TNIP2: variants seen among roughly 807,000 people sequenced by gnomAD.
TNIP2 encodes the protein TNFAIP3 interacting protein 2.
Under a neutral mutation model 43.7 loss-of-function variants are expected in TNIP2, and 30 were observed. The ratio of observed to expected loss-of-function variants is 0.69; its 90% confidence interval spans 0.51 to 0.93. The LOEUF is 0.93. Ranked by LOEUF, TNIP2 falls within the 40% of genes least tolerant of loss-of-function variation. TNIP2 has a pLI of 0.00. For missense variants in TNIP2, 599 were observed against 591.0 expected, an observed-to-expected ratio of 1.01 and a Z score of -0.14; for synonymous variants, 260 against 254.6, an observed-to-expected ratio of 1.02 and a Z score of -0.20.
At position 2,742,251 on chromosome 4, in the gene TNIP2, T is replaced by G; in HGVS notation, c.*6A>C. ...AGGAGGCCGCAAGGGCACGGGTGAG[T>G]CTCGGTCACTGGCAGCACTCAGCCA... On this transcript the variant is annotated 3_prime_UTR_variant, in exon 6 of 6. Coordinates refer to ENST00000315423, the MANE Select transcript of TNIP2 (RefSeq NM_024309.4). The G allele has an allele frequency of 6.8e-7, 1 of 1,470,880 alleles. No homozygotes were observed. Among genetic ancestry groups the G allele is most frequent in the Non-Finnish European group, 9.0e-7 (1 of 1,106,262 alleles). 91.1% of individuals were successfully genotyped at this position (1,470,880 alleles called of 1,614,324 possible). A position where few individuals can be genotyped will look rare whatever the true frequency, so the allele number is the denominator to read the frequency against.
At position 2,744,863 on chromosome 4, in the gene TNIP2, C is replaced by A; in HGVS notation, c.740G>T (p.Gly247Val). ...CTCGGGCTCGTGGGGGATCTGCAGC[C>A]CCCTGAGCTGCGCATGGAGCCCCCT... Reference protein sequence around the residue: ...YVRGLHAQLRGLQIPHEPELM... With the variant: ...YVRGLHAQLRVLQIPHEPELM... Residue 247 changes from glycine (G) to valine (V), a missense_variant, in exon 4 of 6, where the codon GGG (glycine) becomes GTG (valine). Physicochemically the swap from Gly to Val is moderately radical, Grantham distance 109. Coordinates refer to ENST00000315423, the MANE Select transcript of TNIP2 (RefSeq NM_024309.4). The surrounding 1 kb of genome is among the most constrained non-coding windows in gnomAD (Gnocchi z 5.1). The A allele has an allele frequency of 1.2e-6, 2 of 1,614,006 alleles. No homozygotes were observed. The highest frequency in any genetic ancestry group is 2.7e-5 in the African/African-American group (2 of 75,064).
intron 1 of TNIP2, among the ~76,000 whole-genome samples, chr4:2,748,388 G>A (rs1210090030): frequency 6.6e-6 from 1 of 151,994 alleles, no homozygotes; most frequent in Non-Finnish European, 1.5e-5. Context: ...TGTCGCTCAG[G>A]CTCGAGTGCA....
At position 2,744,688 on chromosome 4, in the gene TNIP2, G is replaced by T; in HGVS notation, c.906+9C>A. ...GGTCAGTGCCGTCCGGAGCCCGAGG[G>T]ACAGACACCTGCTGTTCCAGCATCT... On this transcript the variant is annotated intron_variant, in intron 4 of 5. Transcript: ENST00000315423. This position sits in a 1 kb window ranked among gnomAD's most constrained non-coding sequence, Gnocchi z 5.1. 1 of 1,598,916 alleles carries T rather than the reference G, an allele frequency of 6.3e-7. No homozygotes were observed. The highest frequency in any genetic ancestry group is 1.1e-5 in the South Asian group (1 of 90,794).
chr4:2,749,301 A>AG (rs1199661157), intron 1 of TNIP2, among the ~76,000 whole-genome samples: 1 of 152,346 alleles, frequency 6.6e-6, no homozygotes, highest in East Asian at 1.9e-4. Context: ...GGCAATTCCA[A>AG]GCACTTTTTT....
chr4:2,745,357 G>A lies in TNIP2; in HGVS notation c.657+89C>T, dbSNP rs188002082. On this transcript the variant is annotated intron_variant, in intron 3 of 5. Coordinates refer to ENST00000315423, the MANE Select transcript of TNIP2 (RefSeq NM_024309.4). Reference sequence around the variant, plus strand: ...AGTCCTAGTGGCCAGAGGGCGGGGGGCGACTCTGGGCATCAGCCAAGGAAA... The same window carrying A: ...AGTCCTAGTGGCCAGAGGGCGGGGGACGACTCTGGGCATCAGCCAAGGAAA... The A allele has an allele frequency of 8.0e-6, 8 of 1,003,138 alleles. No individual in the cohort carries two copies. The East Asian group carries it at 1.3e-4, about 16-fold the overall frequency. The allele number at this position is 1,003,138 out of a possible 1,614,324, so 62.1% of individuals were successfully genotyped here.
At chr4:2,743,509 C>T (rs1366455842) in intron 5 of TNIP2, among the ~76,000 whole-genome samples, 1 of 152,220 alleles carries the variant, frequency 6.6e-6, no homozygotes, top group Non-Finnish European at 1.5e-5. Context: ...CCATAGTCCA[C>T]CATGACTCTC....
Position 2,742,411 on chromosome 4 carries a change from G to C in TNIP2, c.1136C>G (p.Thr379Ser), listed in dbSNP as rs1721817375. 1.2e-6 allele frequency: 2 copies of C among 1,612,390 alleles called. No individual in the cohort carries two copies. Among genetic ancestry groups the C allele is most frequent in the African/African-American group, 2.7e-5 (2 of 74,852 alleles). Residue 379 changes from threonine to serine, a missense_variant, in exon 6 of 6, where the codon ACT (threonine) becomes AGT (serine). By Grantham distance (58) the Thr-to-Ser change is moderately conservative. Transcript: ENST00000315423. ...LMVPGGWRPG[T>S]GSQQPEPPAE... ...AGGGGGTTCTGGCTGCTGGGACCCAGTCCCAGGCCTCCAGCCACCAGGCAC... is the reference window on the plus strand; with the variant it reads ...AGGGGGTTCTGGCTGCTGGGACCCACTCCCAGGCCTCCAGCCACCAGGCAC...
intron 1 of TNIP2, among the ~76,000 whole-genome samples, chr4:2,754,192 C>T (rs1363866019): frequency 6.6e-6 from 1 of 152,252 alleles, no homozygotes; most frequent in Non-Finnish European, 1.5e-5. Flanking sequence ...TCGCAGACTA[C>T]TGCCTTTGCA....
rs1227200265 is a variant in TNIP2, at chr4:2,747,835, G to A, written c.387C>T (p.Ser129=). 3.7e-6 allele frequency: 6 copies of A among 1,613,674 alleles called. No homozygotes were observed. The highest frequency in any genetic ancestry group is 2.2e-5 in the South Asian group (2 of 91,090). The change falls in exon 2 of 6, where the codon AGC becomes AGT. Residue 129 remains serine (S), a synonymous_variant. Coordinates refer to ENST00000315423, the MANE Select transcript of TNIP2 (RefSeq NM_024309.4). ...REKEVVLLRR[S]MAEGERARAA... ...CCCGGGCGCGCTCCCCTTCTGCCATGCTCCTCCGTAGCAGGACGACTTCCT... is the reference window on the plus strand; with the variant it reads ...CCCGGGCGCGCTCCCCTTCTGCCATACTCCTCCGTAGCAGGACGACTTCCT...
chr4:2,750,026 G>T (rs1367138226), intron 1 of TNIP2, among the ~76,000 whole-genome samples: 1 of 152,140 alleles, frequency 6.6e-6, no homozygotes, highest in East Asian at 1.9e-4. Flanking sequence ...GCCCAGTCTG[G>T]TCCTGGACTT....
intron 1 of TNIP2, among the ~76,000 whole-genome samples, chr4:2,755,248 C>G (rs905068236): frequency 1.3e-5 from 2 of 151,828 alleles, no homozygotes; most frequent in African/African-American, 4.9e-5. Flanking sequence ...TCAAAACACC[C>G]CTAAGAACCA....
rs1472783374 is a variant in TNIP2 at position 2,745,429 on chromosome 4, A to T, written c.657+17T>A. On this transcript the variant is annotated intron_variant, in intron 3 of 5. Transcript: ENST00000315423. ...AAGCCATGTGTTCTTCTCAAACGAA[A>T]TGTGAAAGACACTCACGTGAGTCAC... 6.3e-7 allele frequency: 1 copy of T among 1,587,888 alleles called. No homozygotes were observed. Among genetic ancestry groups the T allele is most frequent in the East Asian group, 2.2e-5 (1 of 44,764 alleles).
chr4:2,748,392 G>T (rs13138665), intron 1 of TNIP2, among the ~76,000 whole-genome samples: 5,242 of 151,798 alleles, frequency 0.035, 113 homozygotes, highest in South Asian at 0.076. Flanking sequence ...GCTCAGGCTC[G>T]AGTGCAGTGG....
chr4:2,747,605 C>A, intron 2 of TNIP2, 50 bp downstream of exon 2: 2 of 1,549,782 alleles, frequency 1.3e-6, no homozygotes, highest in South Asian at 1.2e-5. Context: ...GTAGGCGATG[C>A]TCCCAGCACA....
chr4:2,752,568 C>T (rs964255543), intron 1 of TNIP2, among the ~76,000 whole-genome samples: 2 of 152,168 alleles, frequency 1.3e-5, no homozygotes, highest in Admixed American at 1.3e-4. Context: ...CTGCTCCTAA[C>T]GGGCTCTCAT....
chr4:2,743,749 C>T (rs1721858146), intron 5 of TNIP2, among the ~76,000 whole-genome samples: 1 of 152,198 alleles, frequency 6.6e-6, no homozygotes, highest in Non-Finnish European at 1.5e-5. Context: ...TTCCCAGGGC[C>T]AAAAGTGTGT....
chr4:2,749,887 CTG>C (rs763983160), intron 1 of TNIP2, among the ~76,000 whole-genome samples: 10 of 152,178 alleles, frequency 6.6e-5, no homozygotes, highest in Non-Finnish European at 1.2e-4. Flanking sequence ...CCATGGTTCA[CTG>C]TAGCCTCCAC....
rs149075967 is a variant in TNIP2 at position 2,748,584 on chromosome 4, C to T, written c.277-639G>A. On this transcript the variant is annotated intron_variant, in intron 1 of 5. Transcript: ENST00000315423. ...GTCTCGATCTCCTGACCTCATGATC[C>T]GCCTACCTCGGCATCCGCCCACCTC... 7.3e-3 allele frequency among the ~76,000 whole-genome samples: 1,115 copies of T among 152,168 alleles called. 11 individuals are homozygous for T. The highest frequency in any genetic ancestry group is 0.019 in the African/African-American group (791 of 41,502).
chr4:2,749,821 T>A (rs1272766786), intron 1 of TNIP2, among the ~76,000 whole-genome samples: 1 of 152,060 alleles, frequency 6.6e-6, no homozygotes, highest in Non-Finnish European at 1.5e-5. Context: ...AAAATGACAA[T>A]TTTATTTTGA....
Sources: allele counts gnomAD v4.1 joint callset (sites outside exome capture counted in the v4.1 genomes callset), GRCh38; gene constraint gnomAD v4.1.1; non-coding constraint Gnocchi (gnomAD v3.1); transcripts MANE v1.5; gene names NCBI Gene and HGNC (gene_info 2026-07-23, HGNC 2026-07-21).